AZIN2: variants seen among roughly 807,000 people sequenced by gnomAD.
The protein encoded by AZIN2 is antizyme inhibitor 2.
A neutral mutation model predicts 47.8 loss-of-function variants in AZIN2; 28 were observed. The observed-to-expected ratio is 0.59, with a 90% confidence interval of 0.43 to 0.80. The LOEUF is 0.80. Ranked by LOEUF, AZIN2 falls within the 30% of genes least tolerant of loss-of-function variation. The probability of loss-of-function intolerance (pLI) is 0.00; values close to 1 mark genes in which losing one functional copy is unlikely to be tolerated. For missense variants in AZIN2, 535 were observed against 582.5 expected (o/e 0.92, Z 0.84); for synonymous variants, 221 against 239.4 (o/e 0.92, Z 0.71).
the AZIN2 span, chr1:33,147,425 C>T: frequency 6.2e-7 from 1 of 1,614,104 alleles, no homozygotes; most frequent in Non-Finnish European, 8.5e-7. The surrounding 1 kb of genome is among the most constrained non-coding windows in gnomAD (Gnocchi z 8.1). Context: ...TACTGGTTGC[C>T]ATCGTGCATC....
At chr1:33,139,407 G>A in the AZIN2 span, among the ~76,000 whole-genome samples, 1 of 152,338 alleles carries the variant, frequency 6.6e-6, no homozygotes, top group South Asian at 2.1e-4. Context: ...CCCATCTTGA[G>A]ATGCTCATGC....
At chr1:33,083,657 AG>A in intron 4 of AZIN2, 1 of 447,798 alleles carries the variant, frequency 2.2e-6, no homozygotes, top group Non-Finnish European at 4.2e-6. Flanking sequence ...AGGAGTGGGG[AG>A]GGTATTCTGC....
the AZIN2 span, among the ~76,000 whole-genome samples, chr1:33,140,537 T>C: frequency 6.6e-6 from 1 of 152,164 alleles, no homozygotes; most frequent in Non-Finnish European, 1.5e-5. This position sits in a 1 kb window ranked among gnomAD's most constrained non-coding sequence, Gnocchi z 4.0. Flanking sequence ...GAGCCTCTTT[T>C]CTGGGGAAAA....
the AZIN2 span, chr1:33,147,592 A>G: frequency 6.2e-7 from 1 of 1,613,882 alleles, no homozygotes; most frequent in Non-Finnish European, 8.5e-7. The surrounding 1 kb of genome is among the most constrained non-coding windows in gnomAD (Gnocchi z 8.1). Context: ...CAGCACCGAC[A>G]CCTCCACATC....
At chr1:33,099,920 C>T (rs1330967300) in intron 10 of AZIN2, among the ~76,000 whole-genome samples, 3 of 152,146 alleles carry the variant, frequency 2.0e-5, no homozygotes, top group Admixed American at 6.5e-5. Flanking sequence ...TGGGGGTATC[C>T]GTACCTTCTT....
chr1:33,096,057 C>T (rs962800083), intron 8 of AZIN2, among the ~76,000 whole-genome samples: 1 of 152,122 alleles, frequency 6.6e-6, no homozygotes, highest in Admixed American at 6.5e-5. Flanking sequence ...AGGCTGGTCT[C>T]GAATTCCTGA....
intron 5 of AZIN2, 55 bp downstream of exon 5, chr1:33,084,182 G>T: frequency 6.3e-7 from 1 of 1,592,938 alleles, no homozygotes; most frequent in African/African-American, 1.3e-5. Flanking sequence ...ACACACACAT[G>T]GCCAGGCTAG....
chr1:33,130,668 C>T, the AZIN2 span, among the ~76,000 whole-genome samples: 6 of 152,266 alleles, frequency 3.9e-5, no homozygotes, highest in East Asian at 1.9e-4. Context: ...TCTTGACCCT[C>T]AGAAAGGGAG....
the AZIN2 span, chr1:33,158,426 A>G: frequency 8.8e-6 from 13 of 1,485,552 alleles, no homozygotes; most frequent in Non-Finnish European, 1.2e-5. Flanking sequence ...CCCCAATGCC[A>G]GGGGCCCCGC....
chr1:33,130,108 C>T, the AZIN2 span, among the ~76,000 whole-genome samples: 1 of 152,196 alleles, frequency 6.6e-6, no homozygotes, highest in Non-Finnish European at 1.5e-5. Context: ...ATCCACCTGC[C>T]TTGGCCTCCC....
At chr1:33,146,868 G>A in the AZIN2 span, 1 of 393,478 alleles carries the variant, frequency 2.5e-6, no homozygotes, top group Non-Finnish European at 4.7e-6. Flanking sequence ...ACACTGGAAG[G>A]TAGTCCCCTG....
chr1:33,129,924 A>G, the AZIN2 span, among the ~76,000 whole-genome samples: 1 of 152,174 alleles, frequency 6.6e-6, no homozygotes, highest in Non-Finnish European at 1.5e-5. This position sits in a 1 kb window ranked among gnomAD's most constrained non-coding sequence, Gnocchi z 4.1. Flanking sequence ...CAGTGGGGTC[A>G]TCTTGGCTCA....
downstream of AZIN2, among the ~76,000 whole-genome samples, chr1:33,126,326 G>A (rs965646755): frequency 1.3e-5 from 2 of 152,044 alleles, no homozygotes; most frequent in South Asian, 2.1e-4. Context: ...TCCTGTATTT[G>A]TCCCTATTAA....
At chr1:33,161,272 T>C in the AZIN2 span, among the ~76,000 whole-genome samples, 10 of 152,102 alleles carry the variant, frequency 6.6e-5, no homozygotes, top group South Asian at 2.1e-4. The surrounding 1 kb of genome is among the most constrained non-coding windows in gnomAD (Gnocchi z 4.3). Flanking sequence ...AGGATGTCAG[T>C]TGGGGGTCAG....
At chr1:33,165,464 G>A in the AZIN2 span, 2 of 1,591,966 alleles carry the variant, frequency 1.3e-6, no homozygotes, top group Admixed American at 3.4e-5. This position sits in a 1 kb window ranked among gnomAD's most constrained non-coding sequence, Gnocchi z 4.0. Context: ...GCCCCGGCCA[G>A]GCTCACCTTG....
the AZIN2 span, among the ~76,000 whole-genome samples, chr1:33,136,765 C>T: frequency 7.3e-5 from 11 of 151,444 alleles, no homozygotes; most frequent in East Asian, 1.6e-3. Flanking sequence ...TTTGGGAGGC[C>T]GAGGCAGGTG....
intron 10 of AZIN2, among the ~76,000 whole-genome samples, chr1:33,101,514 G>T (rs55745987): frequency 0.012 from 1,341 of 109,784 alleles, 19 homozygotes; most frequent in African/African-American, 0.041. Context: ...TTTTTTTTTT[G>T]AAATTAGGTA....
At chr1:33,144,233 G>A in the AZIN2 span, among the ~76,000 whole-genome samples, 1 of 151,928 alleles carries the variant, frequency 6.6e-6, no homozygotes, top group Non-Finnish European at 1.5e-5. Context: ...CGCCTCCCGG[G>A]TTCAAGAGAT....
rs542542725 is a variant in AZIN2, at chr1:33,082,000, C to T, written c.-72-178C>T. 15 of 517,408 alleles carry T rather than the reference C, an allele frequency of 2.9e-5. No homozygotes were observed. Among genetic ancestry groups the T allele is most frequent in the African/African-American group, 2.3e-4 (12 of 51,870 alleles). 32.1% of individuals were successfully genotyped at this position (517,408 alleles called of 1,614,324 possible). A position where few individuals can be genotyped will look rare whatever the true frequency, so the allele number is the denominator to read the frequency against. ...GGAGAGGCAGTGACATTTGGGCATA[C>T]GGTGCCTTGTCTCCGTCTGAAATCC... On this transcript the variant is annotated intron_variant, in intron 3 of 11. Transcript: ENST00000294517. The surrounding 1 kb of genome is among the most constrained non-coding windows in gnomAD (Gnocchi z 4.2).
Sources: allele counts gnomAD v4.1 joint callset (sites outside exome capture counted in the v4.1 genomes callset), GRCh38; gene constraint gnomAD v4.1.1; non-coding constraint Gnocchi (gnomAD v3.1); transcripts MANE v1.5; gene names NCBI Gene and HGNC (gene_info 2026-07-23, HGNC 2026-07-21).